Variants in DDX46 observed in about 807,000 individuals in gnomAD.
DDX46 encodes the protein DEAD-box helicase 46, also known as probable ATP-dependent RNA helicase DDX46.
A neutral mutation model predicts 134.9 loss-of-function variants in DDX46; 30 were observed. The ratio of observed to expected loss-of-function variants is 0.22; its 90% CI spans 0.17 to 0.30. The LOEUF (loss-of-function observed/expected upper bound fraction) is 0.30. Ranked by LOEUF, DDX46 falls within the 10% of genes least tolerant of loss-of-function variation. The pLI is 1.00. For synonymous variants in DDX46, 415 were observed against 404.1 expected, an observed-to-expected ratio of 1.03 and a Z score of -0.32; for missense variants, 622 against 1,248.7, an observed-to-expected ratio of 0.50 and a Z score of 7.56.
chr5:134,796,087 C>G lies in DDX46; in HGVS notation c.1891C>G (p.His631Asp). Residue 631 changes from histidine to aspartate, a missense_variant, in exon 15 of 23, where the codon CAT becomes GAT. This residue lies in a region of DDX46 where 209 missense variants were observed against 508.4 expected (regional missense o/e 0.41). Transcript: ENST00000452510. Reference protein sequence around the residue: ...SVIIFVDKQEHADGLLKDLMR... With the variant: ...SVIIFVDKQEDADGLLKDLMR... ...CATTATATTTGTGGATAAGCAGGAA[C>G]ATGCTGATGGTCTTCTTAAGGATTT... The G allele has an allele frequency of 6.2e-7, 1 of 1,613,904 alleles. No homozygotes were observed. The highest frequency in any genetic ancestry group is 1.1e-5 in the South Asian group (1 of 91,080).
intron 15 of DDX46, chr5:134,804,650 G>GT (rs1754929986): frequency 4.7e-6 from 1 of 210,968 alleles, no homozygotes; most frequent in Non-Finnish European, 9.7e-6. Flanking sequence ...AGGCTGGCCC[G>GT]TTTGTCTTAA....
intron 18 of DDX46, among the ~76,000 whole-genome samples, chr5:134,813,403 T>C (rs1402987635): frequency 1.3e-5 from 2 of 152,210 alleles, no homozygotes; most frequent in Non-Finnish European, 2.9e-5. Flanking sequence ...TGCAGTCATC[T>C]GCAGGCTTGA....
chr5:134,775,359 A>T (rs1753901392), intron 5 of DDX46, among the ~76,000 whole-genome samples: 2 of 152,172 alleles, frequency 1.3e-5, no homozygotes. Flanking sequence ...GGAAAATGGG[A>T]TTTTGGTCCA....
rs1407644670 is a variant in DDX46 at position 134,770,903 on chromosome 5, A to C, written c.351A>C (p.Arg117Ser). Residue 117 changes from arginine to serine, a missense_variant and splice_region_variant, in exon 4 of 23, where the codon AGA becomes AGC. This residue lies in a region of DDX46 where 244 missense variants were observed against 349.3 expected (regional missense o/e 0.70). Transcript: ENST00000452510. ...CTTGTCTCTTTTATTTTTTTGGTAG[A>C]TCTAGGTCCAAAGAGAAAACTGATG... is the stretch of plus-strand genomic sequence containing the variant. The part of the protein sequence containing the change: ...PGNKSKKTEN[R>S]SRSKEKTDGG... The C allele has an allele frequency of 2.5e-6, 4 of 1,578,276 alleles. No individual in the cohort carries two copies. Among genetic ancestry groups the C allele is most frequent in the Non-Finnish European group, 3.4e-6 (4 of 1,168,140 alleles).
chr5:134,761,108 C>G (rs1009754028), intron 1 of DDX46, among the ~76,000 whole-genome samples: 4 of 152,186 alleles, frequency 2.6e-5, no homozygotes, highest in Non-Finnish European at 5.9e-5. Flanking sequence ...TCACTGCAAC[C>G]TATGCTTCCC....
chr5:134,774,998 T>G (rs1401937996), intron 5 of DDX46, among the ~76,000 whole-genome samples: 2 of 152,122 alleles, frequency 1.3e-5, no homozygotes, highest in African/African-American at 4.8e-5. Flanking sequence ...CTGGATAATT[T>G]TTGTATTTTT....
chr5:134,807,610 A>G (rs1467817591), intron 15 of DDX46, 138 bp from the exon 16 acceptor site: 1 of 734,962 alleles, frequency 1.4e-6, no homozygotes, highest in Non-Finnish European at 2.1e-6. Context: ...TCTTGCCATT[A>G]CATTTTCTTA....
At chr5:134,790,288 A>G (rs754486630) in intron 12 of DDX46, 182 bp from the exon 13 acceptor site, 7 of 636,272 alleles carry the variant, frequency 1.1e-5, no homozygotes, top group South Asian at 3.5e-5. Context: ...AGTATTTGCC[A>G]CTAGATTAAG....
intron 15 of DDX46, among the ~76,000 whole-genome samples, chr5:134,801,068 GA>G: frequency 1.3e-5 from 2 of 152,254 alleles, no homozygotes; most frequent in African/African-American, 4.8e-5. Flanking sequence ...CAGATTGCTT[GA>G]GTCTGGGAGT....
At chr5:134,766,144 G>T (rs1272036269) in intron 2 of DDX46, among the ~76,000 whole-genome samples, 2 of 152,118 alleles carry the variant, frequency 1.3e-5, no homozygotes, top group African/African-American at 2.4e-5. Flanking sequence ...GACCCATTAT[G>T]CCCATCCTTA....
At chr5:134,823,231 G>A (rs889042253) in intron 21 of DDX46, among the ~76,000 whole-genome samples, 3 of 148,890 alleles carry the variant, frequency 2.0e-5, no homozygotes, top group African/African-American at 5.0e-5. Flanking sequence ...TGCAATCTTG[G>A]CTCACTAAAA....
chr5:134,828,720 A>T lies in DDX46; in HGVS notation c.*14A>T, dbSNP rs376215830. 103 of 1,497,934 alleles carry T rather than the reference A, an allele frequency of 6.9e-5. No homozygotes were observed. The highest frequency in any genetic ancestry group is 9.0e-5 in the Non-Finnish European group (101 of 1,126,744). 92.8% of individuals were successfully genotyped at this position (1,497,934 alleles called of 1,614,324 possible). A position where few individuals can be genotyped will look rare whatever the true frequency, so the allele number is the denominator to read the frequency against. Reference sequence around the variant, plus strand: ...AAAGTCTTATAGACATCCGGAAAAAAGATTTTTACCTGTGCTGGTCTATGA... The same window carrying T: ...AAAGTCTTATAGACATCCGGAAAAATGATTTTTACCTGTGCTGGTCTATGA... On this transcript the variant is annotated 3_prime_UTR_variant, in exon 23 of 23. Transcript: ENST00000452510.
intron 15 of DDX46, among the ~76,000 whole-genome samples, chr5:134,799,757 A>T (rs1754772175): frequency 6.6e-6 from 1 of 151,240 alleles, no homozygotes; most frequent in East Asian, 2.0e-4. Flanking sequence ...AAAAAAAAAA[A>T]CCCTAATCTG....
intron 1 of DDX46, 71 bp downstream of exon 1, chr5:134,759,026 G>A: frequency 6.3e-7 from 1 of 1,588,754 alleles, no homozygotes; most frequent in African/African-American, 1.3e-5. Context: ...CGGGAGTTGA[G>A]GTGGCCGCCG....
chr5:134,825,248 TTTG>T (rs755154637), intron 21 of DDX46, among the ~76,000 whole-genome samples: 1 of 152,220 alleles, frequency 6.6e-6, no homozygotes, highest in Non-Finnish European at 1.5e-5. Context: ...AAATTTCATT[TTTG>T]TTGTAATTTT....
At position 134,822,106 on chromosome 5, in the gene DDX46, T is replaced by A. The variant is rs534147599; in HGVS notation, c.2977+3102T>A. The stretch of plus-strand genomic sequence containing the variant: ...GTTGGCCAGGCTGTTCTTGAACTCC[T>A]GACCTCAGGTGAACTGCCTACCTCA... On this transcript the variant is annotated intron_variant, in intron 21 of 22. Coordinates refer to ENST00000452510, the MANE Select transcript of DDX46 (RefSeq NM_001300860.2). Among the ~76,000 whole-genome samples the A allele has an allele frequency of 3.3e-5, 5 of 152,142 alleles. No individual in the cohort carries two copies. In the South Asian group the frequency reaches 1.0e-3, roughly 32 times the overall value.
intron 13 of DDX46, among the ~76,000 whole-genome samples, chr5:134,791,195 C>T (rs1044413353): frequency 3.3e-5 from 5 of 152,282 alleles, no homozygotes; most frequent in African/African-American, 4.8e-5. Context: ...ACGTCATTTA[C>T]GTTTACCAAA....
chr5:134,780,136 G>GTGTGTGTGTA (rs1305740806), intron 6 of DDX46, among the ~76,000 whole-genome samples: 14 of 147,300 alleles, frequency 9.5e-5, no homozygotes, highest in African/African-American at 3.5e-4. Flanking sequence ...GTGTGTGTGT[G>GTGTGTGTGTA]TGTATATGTA....
At chr5:134,800,523 C>G (rs995469884) in intron 15 of DDX46, among the ~76,000 whole-genome samples, 1 of 152,064 alleles carries the variant, frequency 6.6e-6, no homozygotes, top group Non-Finnish European at 1.5e-5. Flanking sequence ...TTGCTTTAGC[C>G]ACATCCCGCA....
Sources: gnomAD v4.1 joint callset for allele counts (sites outside exome capture counted in the v4.1 genomes callset) on GRCh38, gnomAD v4.1.1 for gene constraint, gnomAD v4.1.1 regional missense constraint, MANE v1.5 for transcripts, NCBI Gene and HGNC (gene_info 2026-07-23, HGNC 2026-07-21) for gene names.